The following NAA20 variants were observed in gnomAD, a reference collection of about 807,000 sequenced individuals.
The protein encoded by NAA20 is N-alpha-acetyltransferase 20.
In NAA20, 24 loss-of-function variants were observed where a neutral mutation model predicts 23.8. That is an observed-to-expected ratio of 1.01 (90% CI 0.73 to 1.42). The LOEUF (loss-of-function observed/expected upper bound fraction) is 1.42, where lower values mean the gene tolerates loss of function less well. NAA20 is among the 40% of genes most tolerant of loss of function. NAA20 has a pLI of 0.00. For synonymous variants in NAA20, 83 were observed against 77.7 expected, an observed-to-expected ratio of 1.07 and a Z score of -0.36; for missense variants, 166 against 223.1, an observed-to-expected ratio of 0.74 and a Z score of 1.63.
Position 20,033,259 on chromosome 20 carries a change from G to A in NAA20, c.*72G>A. The A allele has an allele frequency of 8.0e-7, 1 of 1,242,708 alleles. No individual in the cohort carries two copies. The highest frequency in any genetic ancestry group is 1.2e-6 in the Non-Finnish European group (1 of 860,126). The allele number at this position is 1,242,708 out of a possible 1,614,324, so 77.0% of individuals were successfully genotyped here. A position where few individuals can be genotyped will look rare whatever the true frequency, so the allele number is the denominator to read the frequency against. On this transcript the variant is annotated 3_prime_UTR_variant, in exon 6 of 6. Transcript: ENST00000334982. ...AATATTATTTTCATTGGATGATTCT[G>A]GAGCTCTATTAGGAGAAAAGTAATC...
At position 20,023,336 on chromosome 20, in the gene NAA20, A is replaced by G. The variant is rs1334328762; in HGVS notation, c.78+856A>G. Among the ~76,000 whole-genome samples, 7 of 150,570 alleles carry G rather than the reference A, an allele frequency of 4.6e-5. No homozygotes were observed. In the East Asian group the frequency reaches 1.4e-3, roughly 29 times the overall value. On this transcript the variant is annotated intron_variant, in intron 2 of 5. Transcript: ENST00000334982. ...TCAAAAAAAAAAAAAAAAGGAGAGT[A>G]CCTTTGGGAAATGCCACACAGGCCC...
At chr20:20,017,977 A>C (rs1178631243) in intron 1 of NAA20, 1 of 1,614,110 alleles carries the variant, frequency 6.2e-7, no homozygotes, top group South Asian at 1.1e-5. Flanking sequence ...GCCGTGGTTA[A>C]ATTGTATCCA....
chr20:20,030,823 G>C (rs2043338944), intron 4 of NAA20, among the ~76,000 whole-genome samples: 1 of 151,930 alleles, frequency 6.6e-6, no homozygotes, highest in South Asian at 2.1e-4. Context: ...AAGGTTGTTG[G>C]ATAGAAAGTC....
intron 2 of NAA20, among the ~76,000 whole-genome samples, chr20:20,023,871 C>A (rs762237505): frequency 5.9e-5 from 9 of 152,202 alleles, no homozygotes; most frequent in Non-Finnish European, 5.9e-5. Flanking sequence ...ATATAAATTG[C>A]TATTATCTTT....
At position 20,033,236 on chromosome 20, in the gene NAA20, T is replaced by C. The variant is rs1199364425; in HGVS notation, c.*49T>C. Reference sequence around the variant, plus strand: ...GATACTCTAGATGCTTTATGGACAATATTATTTTCATTGGATGATTCTGGA... The same window carrying C: ...GATACTCTAGATGCTTTATGGACAACATTATTTTCATTGGATGATTCTGGA... On this transcript the variant is annotated 3_prime_UTR_variant, in exon 6 of 6. Transcript: ENST00000334982. 3.5e-6 allele frequency: 5 copies of C among 1,417,038 alleles called. No homozygotes were observed. In the Admixed American group the frequency reaches 7.1e-5, roughly 20 times the overall value. 87.8% of individuals were successfully genotyped at this position (1,417,038 alleles called of 1,614,324 possible). A position where few individuals can be genotyped will look rare whatever the true frequency, so the allele number is the denominator to read the frequency against.
intron 1 of NAA20, chr20:20,018,376 T>TA (rs1310603907): frequency 6.4e-5 from 21 of 326,032 alleles, no homozygotes; most frequent in Non-Finnish European, 9.3e-5. Flanking sequence ...GGATCCACTT[T>TA]AAAAAAACAA....
At chr20:20,020,816 A>C (rs907419090) in intron 1 of NAA20, among the ~76,000 whole-genome samples, 5 of 152,206 alleles carry the variant, frequency 3.3e-5, no homozygotes, top group African/African-American at 1.2e-4. Context: ...AGGCTGTCCC[A>C]GGAGTGGGAA....
chr20:20,032,288 A>C (rs945891517), intron 4 of NAA20, among the ~76,000 whole-genome samples: 2 of 150,454 alleles, frequency 1.3e-5, no homozygotes, highest in African/African-American at 4.9e-5. Context: ...AAATACTAGC[A>C]TGCAAACATA....
chr20:20,027,116 T>C (rs1033104799), intron 4 of NAA20, among the ~76,000 whole-genome samples, 197 bp downstream of exon 4: 2 of 152,176 alleles, frequency 1.3e-5, no homozygotes, highest in Admixed American at 6.5e-5. Flanking sequence ...TAAGGCAAAG[T>C]GTTGTAGTGA....
intron 4 of NAA20, among the ~76,000 whole-genome samples, chr20:20,028,843 C>A (rs901263283): frequency 4.6e-5 from 7 of 152,158 alleles, no homozygotes; most frequent in African/African-American, 7.2e-5. Context: ...ACCAGCAAAA[C>A]AAAATGCATG....
intron 1 of NAA20, chr20:20,018,328 A>G (rs1396571666): frequency 4.0e-6 from 2 of 501,476 alleles, no homozygotes; most frequent in African/African-American, 1.9e-5. Context: ...ACATTTTGCT[A>G]CGCTGGTATC....
At chr20:20,022,405 C>T in intron 1 of NAA20, 51 bp from the exon 2 acceptor site, 1 of 1,537,316 alleles carries the variant, frequency 6.5e-7, no homozygotes, top group Non-Finnish European at 8.8e-7. Flanking sequence ...CTTATTTCAA[C>T]TGGTTATTGT....
intron 4 of NAA20, among the ~76,000 whole-genome samples, chr20:20,027,579 A>G (rs895096037): frequency 6.6e-6 from 1 of 152,158 alleles, no homozygotes; most frequent in African/African-American, 2.4e-5. Flanking sequence ...ATTAAGAGGA[A>G]TGTAGCATGA....
At position 20,032,627 on chromosome 20, in the gene NAA20, A is replaced by G; in HGVS notation, c.425A>G (p.Asn142Ser). ...RTVIEYYSAS[N>S]GEPDEDAYDM... is the part of the protein sequence containing the mutation. ...GTCATAGAGTACTATTCGGCCAGCAACGGGGAGCCTGATGAGGACGCTTAT... is the reference window on the plus strand; with the variant it reads ...GTCATAGAGTACTATTCGGCCAGCAGCGGGGAGCCTGATGAGGACGCTTAT... The change falls in exon 5 of 6, where the codon AAC becomes AGC. Residue 142 changes from asparagine (N) to serine (S), a missense_variant. Asn to Ser is a conservative substitution (Grantham distance 46, BLOSUM62 1). Transcript: ENST00000334982. The G allele has an allele frequency of 6.2e-7, 1 of 1,605,964 alleles. No homozygotes were observed. Among genetic ancestry groups the G allele is most frequent in the Non-Finnish European group, 8.5e-7 (1 of 1,176,586 alleles).
intron 4 of NAA20, among the ~76,000 whole-genome samples, chr20:20,030,964 A>C (rs147740030): frequency 2.7e-4 from 41 of 152,322 alleles, no homozygotes; most frequent in Non-Finnish European, 5.4e-4. Context: ...CATTTAAAAA[A>C]CTTTTTTGAG....
intron 4 of NAA20, among the ~76,000 whole-genome samples, chr20:20,031,822 A>G (rs2043345571): frequency 6.6e-6 from 1 of 152,252 alleles, no homozygotes; most frequent in Non-Finnish European, 1.5e-5. Flanking sequence ...AATCTGAGAT[A>G]TAGTTACACT....
At chr20:20,030,101 T>G (rs2043333077) in intron 4 of NAA20, among the ~76,000 whole-genome samples, 1 of 152,200 alleles carries the variant, frequency 6.6e-6, no homozygotes, top group Non-Finnish European at 1.5e-5. Context: ...CAAACTATTT[T>G]GCACAAGCCA....
chr20:20,030,197 G>A (rs149459226), intron 4 of NAA20, among the ~76,000 whole-genome samples: 5 of 152,282 alleles, frequency 3.3e-5, no homozygotes, highest in South Asian at 2.1e-4. Context: ...AGGAAAATTC[G>A]AGGAACATCT....
At chr20:20,019,861 C>CA (rs2043256009) in intron 1 of NAA20, among the ~76,000 whole-genome samples, 1 of 152,198 alleles carries the variant, frequency 6.6e-6, no homozygotes, top group South Asian at 2.1e-4. Context: ...GCTGGAATTA[C>CA]AAGTGTGAGC....
Sources: gnomAD v4.1 joint callset for allele counts (sites outside exome capture counted in the v4.1 genomes callset) on GRCh38, gnomAD v4.1.1 for gene constraint, MANE v1.5 for transcripts, NCBI Gene and HGNC (gene_info 2026-07-23, HGNC 2026-07-21) for gene names.